Variants in IQSEC1 observed in about 807,000 individuals in gnomAD.
IQSEC1 encodes the protein IQ motif and Sec7 domain ArfGEF 1.
Under a neutral mutation model 91.0 loss-of-function variants are expected in IQSEC1, and 31 were observed. The ratio of observed to expected loss-of-function variants is 0.34; its 90% confidence interval spans 0.26 to 0.46. IQSEC1 has a LOEUF of 0.46. IQSEC1 is among the 20% of genes least tolerant of loss of function. The probability of loss-of-function intolerance (pLI) is 1.00; values close to 1 mark genes in which losing one functional copy is unlikely to be tolerated. For missense variants in IQSEC1, 1,388 were observed against 1,575.6 expected, an observed-to-expected ratio of 0.88 and a Z score of 2.02; for synonymous variants, 699 against 662.6, an observed-to-expected ratio of 1.05 and a Z score of -0.84.
rs142288827 is a variant in IQSEC1, at chr3:12,938,109, C to T, written c.319-1412G>A. 6.1e-3 allele frequency among the ~76,000 whole-genome samples: 923 copies of T among 152,324 alleles called. 4 individuals carry two copies. The highest frequency in any genetic ancestry group is 9.9e-3 in the Non-Finnish European group (674 of 68,016). ...GGCCAAGATAAGGAATTGGCTTCTC[C>T]GCCAAGCCAGGCCTCTTGGGGTGCT... On this transcript the variant is annotated intron_variant, in intron 2 of 13. Coordinates refer to ENST00000613206, the MANE Select transcript of IQSEC1 (RefSeq NM_001134382.3).
chr3:13,222,367 TG>T (rs1342032895), intron 1 of IQSEC1, among the ~76,000 whole-genome samples: 3 of 152,246 alleles, frequency 2.0e-5, no homozygotes, highest in Admixed American at 6.5e-5. Flanking sequence ...CACGTTCATC[TG>T]TCACGGACAC....
intron 1 of IQSEC1, among the ~76,000 whole-genome samples, chr3:13,061,608 G>A (rs1022291301): frequency 6.6e-6 from 1 of 152,156 alleles, no homozygotes. Flanking sequence ...GCCCTGTGCT[G>A]ATGCCAGGGG....
intron 9 of IQSEC1, 55 bp from the exon 10 acceptor site, chr3:12,911,783 T>C: frequency 8.2e-7 from 1 of 1,224,732 alleles, no homozygotes; most frequent in South Asian, 1.2e-5. Context: ...GCACTGACTA[T>C]GTGGGACCTC....
intron 1 of IQSEC1, among the ~76,000 whole-genome samples, chr3:13,030,622 C>T (rs868437657): frequency 1.3e-5 from 2 of 152,186 alleles, no homozygotes; most frequent in Non-Finnish European, 1.5e-5. Context: ...AGGCAAATGG[C>T]CCTGTTCCTT....
At chr3:13,177,290 A>G (rs1381385815) in intron 1 of IQSEC1, among the ~76,000 whole-genome samples, 1 of 152,226 alleles carries the variant, frequency 6.6e-6, no homozygotes, top group Non-Finnish European at 1.5e-5. Context: ...CCCTGCTCAG[A>G]GCTGGGACCC....
chr3:13,103,187 C>A lies in IQSEC1; in HGVS notation c.303-55665G>T, dbSNP rs186200119. Among the ~76,000 whole-genome samples the A allele has an allele frequency of 3.9e-5, 6 of 152,128 alleles. No homozygotes were observed. The highest frequency in any genetic ancestry group is 8.8e-5 in the Non-Finnish European group (6 of 68,040). ...AGGCAGGTCAGTTCAGGGAAGGGGC[C>A]TGCATCGAACTCTCGCCACCTCCCT... is the stretch of plus-strand genomic sequence containing the variant. On this transcript the variant is annotated intron_variant, in intron 2 of 15. Coordinates refer to the IQSEC1 transcript ENST00000648114. This position sits in a 1 kb window ranked among gnomAD's most constrained non-coding sequence, Gnocchi z 4.1.
chr3:13,076,296 C>A (rs1395114881), upstream of IQSEC1, among the ~76,000 whole-genome samples: 3 of 152,200 alleles, frequency 2.0e-5, no homozygotes, highest in African/African-American at 7.2e-5. Context: ...CAAGTTCACC[C>A]CTGCCCTTGC....
intron 1 of IQSEC1, among the ~76,000 whole-genome samples, chr3:13,027,347 G>C (rs59658884): frequency 5.3e-5 from 8 of 152,326 alleles, no homozygotes; most frequent in African/African-American, 1.9e-4. Flanking sequence ...GCAGGAGCTG[G>C]GAAAGAAGGC....
At chr3:13,248,507 G>C (rs1487980436) in intron 1 of IQSEC1, among the ~76,000 whole-genome samples, 1 of 152,006 alleles carries the variant, frequency 6.6e-6, no homozygotes, top group East Asian at 1.9e-4. Context: ...CCCTTCCTTG[G>C]CTCTGGTCCT....
intron 2 of IQSEC1, among the ~76,000 whole-genome samples, chr3:13,086,292 T>A (rs896716311): frequency 2.6e-5 from 4 of 151,672 alleles, no homozygotes; most frequent in African/African-American, 9.7e-5. Flanking sequence ...TGCCGGTTTG[T>A]GCCCACCGTG....
At chr3:13,124,840 C>T (rs1706485018) in intron 2 of IQSEC1, among the ~76,000 whole-genome samples, 1 of 152,160 alleles carries the variant, frequency 6.6e-6, no homozygotes, top group African/African-American at 2.4e-5. Context: ...GCCTTCAGCC[C>T]CACACAGCAC....
intron 1 of IQSEC1, among the ~76,000 whole-genome samples, chr3:12,962,474 C>A (rs148487795): frequency 7.5e-4 from 114 of 152,310 alleles, no homozygotes; most frequent in African/African-American, 2.6e-3. Context: ...GAGGAGGACT[C>A]CTCCCAGCTG....
At chr3:13,174,032 C>T (rs374852867) in intron 1 of IQSEC1, among the ~76,000 whole-genome samples, 9 of 152,268 alleles carry the variant, frequency 5.9e-5, no homozygotes, top group African/African-American at 1.4e-4. Flanking sequence ...CACAAGGGCT[C>T]GAACCATCCT....
intron 1 of IQSEC1, among the ~76,000 whole-genome samples, chr3:13,190,988 C>T (rs60066838): frequency 0.031 from 4,750 of 152,284 alleles, 248 homozygotes; most frequent in African/African-American, 0.1. Context: ...CTGATGCCTC[C>T]GACAGCACCC....
At position 12,967,330 on chromosome 3, in the gene IQSEC1, G is replaced by A; in HGVS notation, c.24-25465C>T. On this transcript the variant is annotated intron_variant, in intron 1 of 13. Transcript: ENST00000613206. The surrounding 1 kb of genome is among the most constrained non-coding windows in gnomAD (Gnocchi z 5.9). The stretch of plus-strand genomic sequence containing the variant: ...TCCCGCACAGGCATCCCCACAGCCT[G>A]CGCCAGCCCACCGCTCAGCACCCGG... The A allele has an allele frequency of 6.9e-7, 1 of 1,449,278 alleles. No individual in the cohort carries two copies. The highest frequency in any genetic ancestry group is 9.3e-7 in the Non-Finnish European group (1 of 1,074,998). The allele number at this position is 1,449,278 out of a possible 1,614,324, so 89.8% of individuals were successfully genotyped here.
chr3:12,902,217 C>A (rs973639004), intron 13 of IQSEC1, among the ~76,000 whole-genome samples: 12 of 152,132 alleles, frequency 7.9e-5, no homozygotes, highest in Non-Finnish European at 1.3e-4. Context: ...ATCATGAAAT[C>A]CACACTGAAT....
chr3:13,106,676 T>C (rs1048930294), intron 2 of IQSEC1, among the ~76,000 whole-genome samples: 5 of 152,168 alleles, frequency 3.3e-5, no homozygotes, highest in African/African-American at 1.2e-4. Flanking sequence ...AAATAGTGCA[T>C]GAATCAATGA....
intron 1 of IQSEC1, among the ~76,000 whole-genome samples, chr3:13,024,481 C>G (rs1159443605): frequency 6.6e-6 from 1 of 150,906 alleles, no homozygotes; most frequent in Non-Finnish European, 1.5e-5. Context: ...ACCCATCCAT[C>G]CATCTGTCCA....
Position 13,260,571 on chromosome 3 carries a change from C to T in IQSEC1, c.272+22140G>A, listed in dbSNP as rs373556964. On this transcript the variant is annotated intron_variant, in intron 1 of 15. Coordinates refer to the IQSEC1 transcript ENST00000648114. ...GTTCCTAAGGGAATCTGCAAAAGTC[C>T]TGGTGTCCCAGGCTGCCTGAGAAGC... Among the ~76,000 whole-genome samples the T allele has an allele frequency of 2.4e-4, 36 of 152,336 alleles. 1 individual carries two copies. Among genetic ancestry groups the T allele is most frequent in the Admixed American group, 1.2e-3 (19 of 15,306 alleles).
Sources: allele counts gnomAD v4.1 joint callset (sites outside exome capture counted in the v4.1 genomes callset), GRCh38; gene constraint gnomAD v4.1.1; non-coding constraint Gnocchi (gnomAD v3.1); transcripts MANE v1.5; gene names NCBI Gene and HGNC (gene_info 2026-07-23, HGNC 2026-07-21).